TMEM117: variants seen among roughly 807,000 people sequenced by gnomAD.
TMEM117 encodes transmembrane protein 117.
Under a neutral mutation model 52.4 loss-of-function variants are expected in TMEM117, and 27 were observed. The ratio of observed to expected loss-of-function variants is 0.51; its 90% CI spans 0.38 to 0.71. The LOEUF is 0.71. Ranked by LOEUF, TMEM117 falls within the 30% of genes least tolerant of loss-of-function variation. The pLI is 0.00. For synonymous variants in TMEM117, 215 were observed against 206.3 expected, an observed-to-expected ratio of 1.04 and a Z score of -0.36; for missense variants, 556 against 630.5, an observed-to-expected ratio of 0.88 and a Z score of 1.26.
chr12:44,280,568 T>C (rs77981387), intron 5 of TMEM117, among the ~76,000 whole-genome samples: 4,648 of 152,250 alleles, frequency 0.031, 108 homozygotes, highest in Admixed American at 0.044. Context: ...TAGCATCTTT[T>C]TTTTTTCCTG....
At chr12:44,356,139 T>G (rs1951645141) in intron 6 of TMEM117, among the ~76,000 whole-genome samples, 1 of 152,112 alleles carries the variant, frequency 6.6e-6, no homozygotes, top group Non-Finnish European at 1.5e-5. Flanking sequence ...ATTTTAAGAA[T>G]ACAAGGTCCT....
chr12:44,359,510 A>C (rs1037170361), intron 6 of TMEM117, among the ~76,000 whole-genome samples: 1 of 152,088 alleles, frequency 6.6e-6, no homozygotes, highest in African/African-American at 2.4e-5. Context: ...TTGCATACTT[A>C]TAATTCTGAG....
intron 3 of TMEM117, among the ~76,000 whole-genome samples, chr12:43,988,025 A>T (rs1183419175): frequency 6.6e-6 from 1 of 152,140 alleles, no homozygotes; most frequent in Admixed American, 6.6e-5. Flanking sequence ...CTAATTTTGT[A>T]TCAACTAAAA....
intron 6 of TMEM117, among the ~76,000 whole-genome samples, chr12:44,371,319 G>C (rs1951861263): frequency 6.6e-6 from 1 of 152,138 alleles, no homozygotes; most frequent in Non-Finnish European, 1.5e-5. Context: ...AAATATATCT[G>C]TAAAGTTGAC....
chr12:44,302,207 T>C (rs1950849397), intron 6 of TMEM117, among the ~76,000 whole-genome samples: 3 of 152,192 alleles, frequency 2.0e-5, no homozygotes, highest in Admixed American at 2.0e-4. Context: ...AACCTTCCAG[T>C]TGGAAATGTC....
chr12:44,207,523 T>G (rs926378066), intron 4 of TMEM117, among the ~76,000 whole-genome samples: 1 of 152,152 alleles, frequency 6.6e-6, no homozygotes, highest in African/African-American at 2.4e-5. Flanking sequence ...AATTATAGAC[T>G]GTATCATAGT....
At chr12:43,900,173 T>G (rs1944280553) in intron 2 of TMEM117, among the ~76,000 whole-genome samples, 1 of 152,178 alleles carries the variant, frequency 6.6e-6, no homozygotes, top group Non-Finnish European at 1.5e-5. Context: ...GCATATTGTA[T>G]TTAAATAGGG....
chr12:43,899,462 A>C (rs1173694117), intron 2 of TMEM117, among the ~76,000 whole-genome samples: 1 of 152,224 alleles, frequency 6.6e-6, no homozygotes, highest in Non-Finnish European at 1.5e-5. Context: ...ATTCATTTTT[A>C]AGTGGCAATA....
At chr12:43,951,949 G>A (rs779816507) in intron 3 of TMEM117, among the ~76,000 whole-genome samples, 10 of 152,170 alleles carry the variant, frequency 6.6e-5, no homozygotes, top group African/African-American at 9.7e-5. Flanking sequence ...GGAGCAGGCC[G>A]CAATCTTTGC....
chr12:43,977,481 C>T (rs1945691091), intron 3 of TMEM117, among the ~76,000 whole-genome samples: 1 of 152,168 alleles, frequency 6.6e-6, no homozygotes, highest in African/African-American at 2.4e-5. Flanking sequence ...CCACTACATA[C>T]ATTACTGTTT....
chr12:43,885,546 A>G (rs1376486930), intron 2 of TMEM117, among the ~76,000 whole-genome samples: 1 of 151,866 alleles, frequency 6.6e-6, no homozygotes, highest in Admixed American at 6.6e-5. Flanking sequence ...AACAGTATCT[A>G]TAATTTACCA....
intron 3 of TMEM117, among the ~76,000 whole-genome samples, chr12:44,081,239 G>A (rs1415959524): frequency 6.6e-6 from 1 of 152,130 alleles, no homozygotes; most frequent in Non-Finnish European, 1.5e-5. Flanking sequence ...TCTGATTTAA[G>A]TTCTGTTTTT....
intron 5 of TMEM117, among the ~76,000 whole-genome samples, chr12:44,262,723 A>T (rs974870110): frequency 2.0e-5 from 3 of 152,134 alleles, no homozygotes; most frequent in Admixed American, 6.5e-5. Context: ...AGTAGCTGGG[A>T]TTACAGGTGC....
chr12:44,290,706 TA>T (rs1950693218), intron 5 of TMEM117, among the ~76,000 whole-genome samples: 1 of 152,182 alleles, frequency 6.6e-6, no homozygotes, highest in African/African-American at 2.4e-5. Flanking sequence ...GGCTTAGTCA[TA>T]GCTCACTGCA....
At chr12:43,917,768 C>A (rs897566674) in intron 2 of TMEM117, among the ~76,000 whole-genome samples, 4 of 152,096 alleles carry the variant, frequency 2.6e-5, no homozygotes, top group African/African-American at 9.7e-5. Context: ...AAGCAAAAGG[C>A]AAACATTTTT....
At chr12:43,798,517 A>C in the TMEM117 span, 4 of 1,478,270 alleles carry the variant, frequency 2.7e-6, no homozygotes, top group Non-Finnish European at 2.7e-6. Context: ...CTACAGCATA[A>C]ATGATATTGG....
chr12:44,094,265 G>T (rs1226021685), intron 3 of TMEM117, among the ~76,000 whole-genome samples: 2 of 152,128 alleles, frequency 1.3e-5, no homozygotes, highest in Non-Finnish European at 2.9e-5. Flanking sequence ...CTTCTGCCCA[G>T]TTCTGATCTC....
At chr12:44,160,496 G>T (rs750021061) in intron 4 of TMEM117, among the ~76,000 whole-genome samples, 41 of 152,160 alleles carry the variant, frequency 2.7e-4, no homozygotes, top group Admixed American at 4.6e-4. Flanking sequence ...GAATAAGTTG[G>T]ATTTCCTTAT....
chr12:44,214,524 C>T (rs1261641939), intron 5 of TMEM117, among the ~76,000 whole-genome samples: 4 of 151,946 alleles, frequency 2.6e-5, no homozygotes, highest in Admixed American at 1.3e-4. Flanking sequence ...TATTCTAAAA[C>T]GTAGTTTAAA....
Sources: gnomAD v4.1 joint callset for allele counts (sites outside exome capture counted in the v4.1 genomes callset) on GRCh38, gnomAD v4.1.1 for gene constraint, MANE v1.5 for transcripts, NCBI Gene and HGNC (gene_info 2026-07-23, HGNC 2026-07-21) for gene names.